Variants in KIF26B observed in about 807,000 individuals in gnomAD.
KIF26B encodes kinesin family member 26B, also known as kinesin-like protein KIF26B.
Under a neutral mutation model 151.2 loss-of-function variants are expected in KIF26B, and 63 were observed. That is an observed-to-expected ratio of 0.42 (90% CI 0.34 to 0.51). The LOEUF (loss-of-function observed/expected upper bound fraction) is 0.51, where lower values mean the gene tolerates loss of function less well. KIF26B is among the 20% of genes least tolerant of loss of function. The probability of loss-of-function intolerance (pLI) is 0.07; values close to 1 mark genes in which losing one functional copy is unlikely to be tolerated. For missense variants in KIF26B, 2,813 were observed against 2,913.6 expected (o/e 0.97, Z 0.79); for synonymous variants, 1,357 against 1,262.1 (o/e 1.08, Z -1.59).
chr1:245,512,649 G>A lies in KIF26B; in HGVS notation c.1167-28118G>A, dbSNP rs917749334. Among the ~76,000 whole-genome samples, 2 of 152,158 alleles carry A rather than the reference G, an allele frequency of 1.3e-5. No individual in the cohort carries two copies. The highest frequency in any genetic ancestry group is 2.4e-5 in the African/African-American group (1 of 41,442). ...GCTGGCCAAATGCACCTAGGGCCAC[G>A]CCTTCTAAAATATGTCCTTTGTTAT... On this transcript the variant is annotated intron_variant, in intron 4 of 14. Transcript: ENST00000407071. This position sits in a 1 kb window ranked among gnomAD's most constrained non-coding sequence, Gnocchi z 4.3.
chr1:245,703,369 G>T lies in KIF26B; in HGVS notation c.*763G>T, dbSNP rs1258007911. On this transcript the variant is annotated 3_prime_UTR_variant, in exon 15 of 15. Transcript: ENST00000407071. Reference sequence around the variant, plus strand: ...TCGATGCCACATCCCAACAAGCAGCGTGGTCAGGTAGACCCAGAAGGTTGA... The same window carrying T: ...TCGATGCCACATCCCAACAAGCAGCTTGGTCAGGTAGACCCAGAAGGTTGA... 6.6e-6 allele frequency: 1 copy of T among 152,258 alleles called. No homozygotes were observed. The highest frequency in any genetic ancestry group is 1.5e-5 in the Non-Finnish European group (1 of 68,056). 9.4% of individuals were successfully genotyped at this position (152,258 alleles called of 1,614,324 possible).
intron 4 of KIF26B, among the ~76,000 whole-genome samples, chr1:245,534,803 G>A (rs1380555620): frequency 7.1e-6 from 1 of 140,624 alleles, no homozygotes; most frequent in Non-Finnish European, 1.5e-5. Flanking sequence ...TTTTTTTTGA[G>A]ATGGAGTGTT....
chr1:245,229,059 C>T (rs1669936372), intron 2 of KIF26B, among the ~76,000 whole-genome samples: 1 of 152,116 alleles, frequency 6.6e-6, no homozygotes. Context: ...CTCCGCCTCC[C>T]AGGTTCAAGC....
At chr1:245,356,941 T>A (rs2103003893) in intron 2 of KIF26B, among the ~76,000 whole-genome samples, 1 of 152,236 alleles carries the variant, frequency 6.6e-6, no homozygotes, top group Admixed American at 6.5e-5. Flanking sequence ...CGGTAAGAGA[T>A]GGCCAGGCAG....
chr1:245,420,484 A>G (rs920954302), intron 4 of KIF26B, among the ~76,000 whole-genome samples: 4 of 152,170 alleles, frequency 2.6e-5, no homozygotes, highest in Non-Finnish European at 5.9e-5. Flanking sequence ...CAGAAATAGA[A>G]ACCGGATTGC....
At chr1:245,268,931 G>A (rs542961618) in intron 2 of KIF26B, among the ~76,000 whole-genome samples, 6 of 152,176 alleles carry the variant, frequency 3.9e-5, no homozygotes, top group African/African-American at 1.4e-4. Context: ...TCTGGTACAG[G>A]TGAGCCACAG....
rs1272155818 is a variant in KIF26B at position 245,606,723 on chromosome 1, A to G, written c.1558-928A>G. On this transcript the variant is annotated intron_variant, in intron 6 of 14. Coordinates refer to ENST00000407071, the MANE Select transcript of KIF26B (RefSeq NM_018012.4). The surrounding 1 kb of genome is among the most constrained non-coding windows in gnomAD (Gnocchi z 4.6). ...TACCATGTGGTGACTGATACTCTATATGTTGAATGTATCTGTAGCAAAAGG... is the reference window on the plus strand; with the variant it reads ...TACCATGTGGTGACTGATACTCTATGTGTTGAATGTATCTGTAGCAAAAGG... Among the ~76,000 whole-genome samples, 2 of 152,188 alleles carry G rather than the reference A, an allele frequency of 1.3e-5. No individual in the cohort carries two copies. The highest frequency in any genetic ancestry group is 2.9e-5 in the Non-Finnish European group (2 of 68,034).
intron 4 of KIF26B, among the ~76,000 whole-genome samples, chr1:245,444,769 A>AG (rs1280562516): frequency 2.0e-5 from 3 of 152,238 alleles, no homozygotes; most frequent in Admixed American, 2.0e-4. Context: ...GTGGGAAAAT[A>AG]AAAAGGGAAA....
At chr1:245,435,987 G>A in intron 4 of KIF26B, among the ~76,000 whole-genome samples, 1 of 152,088 alleles carries the variant, frequency 6.6e-6, no homozygotes, top group Non-Finnish European at 1.5e-5. Flanking sequence ...GACCAGCCTG[G>A]CCAACATGAC....
At chr1:245,209,474 A>G (rs1669470954) in intron 2 of KIF26B, among the ~76,000 whole-genome samples, 1 of 152,158 alleles carries the variant, frequency 6.6e-6, no homozygotes, top group Non-Finnish European at 1.5e-5. Flanking sequence ...AGAAGAAGAG[A>G]CAAGTACAGA....
In KIF26B at chr1:245,280,348, T is replaced by TAAAAATACA. The variant is rs1207200403; in HGVS notation, c.466-86471_466-86463dup. Among the ~76,000 whole-genome samples the TAAAAATACA allele has an allele frequency of 5.7e-4, 70 of 122,420 alleles. 1 individual carries two copies. Among genetic ancestry groups the TAAAAATACA allele is most frequent in the African/African-American group, 2.2e-3 (70 of 31,462 alleles). 80.3% of individuals were successfully genotyped at this position (122,420 alleles called of 152,430 possible). A position where few individuals can be genotyped will look rare whatever the true frequency, so the allele number is the denominator to read the frequency against. ...CTAACACGGTGAAACCCGTCTCTAC[T>TAAAAATACA]AAAAATACAAAAAATACAAAAAAAA... On this transcript the variant is annotated intron_variant, in intron 2 of 14. Transcript: ENST00000407071.
intron 10 of KIF26B, among the ~76,000 whole-genome samples, chr1:245,658,401 G>A (rs1026842429): frequency 6.6e-6 from 1 of 152,142 alleles, no homozygotes; most frequent in Non-Finnish European, 1.5e-5. Context: ...TACATTGTGA[G>A]TTTTCTTTTC....
chr1:245,575,809 T>TTG (rs762065450), intron 5 of KIF26B, among the ~76,000 whole-genome samples: 3 of 151,986 alleles, frequency 2.0e-5, no homozygotes, highest in South Asian at 2.1e-4. Context: ...TCTATCTGTT[T>TTG]TGTGTGTGTG....
intron 2 of KIF26B, among the ~76,000 whole-genome samples, chr1:245,343,953 G>T (rs920684979): frequency 6.6e-6 from 1 of 152,136 alleles, no homozygotes; most frequent in Non-Finnish European, 1.5e-5. Flanking sequence ...CAATTCGGGG[G>T]GGCCAAGGGC....
chr1:245,224,289 GAAA>G (rs56263815), intron 2 of KIF26B, among the ~76,000 whole-genome samples: 1 of 147,884 alleles, frequency 6.8e-6, no homozygotes, highest in African/African-American at 2.5e-5. Flanking sequence ...CCGTCTCAAA[GAAA>G]AAAAAAAAAA....
chr1:245,585,300 C>A (rs12122627), intron 5 of KIF26B, among the ~76,000 whole-genome samples: 1 of 152,200 alleles, frequency 6.6e-6, no homozygotes, highest in Non-Finnish European at 1.5e-5. Context: ...CTGCAACCCA[C>A]AGTTGTTTAA....
chr1:245,637,944 C>T (rs138264740), intron 9 of KIF26B, among the ~76,000 whole-genome samples: 283 of 151,878 alleles, frequency 1.9e-3, no homozygotes, highest in African/African-American at 6.1e-3. Flanking sequence ...ATGATGTTTC[C>T]AGCCTGGTTA....
In KIF26B at chr1:245,358,593, GA is replaced by G. The variant is rs752677096; in HGVS notation, c.466-8236del. ...TTCATGAATATGAAGTCAATTAAAA[GA>G]AAAAGAAACATTAAGCAATTTTATA... On this transcript the variant is annotated intron_variant, in intron 2 of 14. Transcript: ENST00000407071. The surrounding 1 kb of genome is among the most constrained non-coding windows in gnomAD (Gnocchi z 4.1). Among the ~76,000 whole-genome samples the G allele has an allele frequency of 3.0e-4, 45 of 152,310 alleles. No homozygotes were observed. Among genetic ancestry groups the G allele is most frequent in the Non-Finnish European group, 4.3e-4 (29 of 68,024 alleles).
At chr1:245,648,173 A>G (rs2043973690) in intron 10 of KIF26B, among the ~76,000 whole-genome samples, 2 of 152,196 alleles carry the variant, frequency 1.3e-5, no homozygotes, top group African/African-American at 2.4e-5. Context: ...CATTGATTAC[A>G]TATCTTACTT....
Sources: allele counts gnomAD v4.1 joint callset (sites outside exome capture counted in the v4.1 genomes callset), GRCh38; gene constraint gnomAD v4.1.1; non-coding constraint Gnocchi (gnomAD v3.1); transcripts MANE v1.5; gene names NCBI Gene and HGNC (gene_info 2026-07-23, HGNC 2026-07-21).